HEMK2: variants seen among roughly 807,000 people sequenced by gnomAD.
HEMK2 encodes the protein HemK methyltransferase 2, ETF1 glutamine and histone H4 lysine.
the HEMK2 span, among the ~76,000 whole-genome samples, chr21:28,864,874 ATAGG>A: frequency 1.6e-5 from 1 of 61,320 alleles, no homozygotes; most frequent in African/African-American, 4.4e-5. Flanking sequence ...TAGATGGATG[ATAGG>A]TAGATATAGA....
At chr21:28,871,001 C>T in the HEMK2 span, among the ~76,000 whole-genome samples, 217 of 152,308 alleles carry the variant, frequency 1.4e-3, 1 homozygote, top group African/African-American at 5.0e-3. Context: ...CAAATCTCCT[C>T]TTTGCCTTTT....
the HEMK2 span, among the ~76,000 whole-genome samples, chr21:28,743,904 T>C: frequency 3.9e-5 from 6 of 152,188 alleles, no homozygotes; most frequent in South Asian, 6.2e-4. Context: ...CAGAATACTA[T>C]ACAGCCATGA....
the HEMK2 span, among the ~76,000 whole-genome samples, chr21:28,814,693 A>G: frequency 7.9e-5 from 12 of 152,188 alleles, no homozygotes; most frequent in Non-Finnish European, 1.2e-4. Context: ...ACCATCTCAC[A>G]CCAGTTAGAA....
At chr21:28,725,530 A>G in the HEMK2 span, among the ~76,000 whole-genome samples, 1 of 152,178 alleles carries the variant, frequency 6.6e-6, no homozygotes, top group Non-Finnish European at 1.5e-5. Flanking sequence ...TCTCCCCCTT[A>G]GCCTTCTCCT....
the HEMK2 span, among the ~76,000 whole-genome samples, chr21:28,709,142 C>A: frequency 3.3e-5 from 5 of 152,132 alleles, no homozygotes; most frequent in Non-Finnish European, 5.9e-5. Context: ...ACCCTAGTGA[C>A]CTAATCGCCA....
the HEMK2 span, among the ~76,000 whole-genome samples, chr21:28,796,526 G>A: frequency 6.6e-6 from 1 of 152,082 alleles, no homozygotes; most frequent in African/African-American, 2.4e-5. Flanking sequence ...GAGGCTATTA[G>A]AACTATTCCA....
At chr21:28,730,154 G>T in the HEMK2 span, among the ~76,000 whole-genome samples, 2 of 151,968 alleles carry the variant, frequency 1.3e-5, no homozygotes, top group Admixed American at 6.6e-5. Flanking sequence ...AAGGCGGGAG[G>T]ATCACTTGAG....
chr21:28,863,101 T>C, the HEMK2 span, among the ~76,000 whole-genome samples: 244 of 152,134 alleles, frequency 1.6e-3, 2 homozygotes, highest in African/African-American at 5.7e-3. Context: ...TCTGAGGGTG[T>C]TGCCAAAGGA....
At chr21:28,670,322 T>C in the HEMK2 span, among the ~76,000 whole-genome samples, 1 of 152,230 alleles carries the variant, frequency 6.6e-6, no homozygotes, top group African/African-American at 2.4e-5. Flanking sequence ...AAAATATTCT[T>C]AGTTTTATTT....
the HEMK2 span, among the ~76,000 whole-genome samples, chr21:28,754,347 G>A: frequency 1.3e-5 from 2 of 152,232 alleles, no homozygotes; most frequent in African/African-American, 4.8e-5. Context: ...TTCTGAACTT[G>A]GCGGAGCCTA....
the HEMK2 span, among the ~76,000 whole-genome samples, chr21:28,658,822 T>C: frequency 2.0e-5 from 3 of 152,146 alleles, no homozygotes; most frequent in Non-Finnish European, 4.4e-5. Flanking sequence ...ATCTTTAGAT[T>C]CATTGTAGCA....
the HEMK2 span, among the ~76,000 whole-genome samples, chr21:28,595,974 C>A: frequency 4.0e-5 from 6 of 151,402 alleles, no homozygotes; most frequent in African/African-American, 1.5e-4. Context: ...TTAGTAGAGA[C>A]GGGGTTTCAC....
chr21:28,860,706 T>TAG, the HEMK2 span, among the ~76,000 whole-genome samples: 1 of 152,186 alleles, frequency 6.6e-6, no homozygotes, highest in Middle Eastern at 3.4e-3. Flanking sequence ...TTGCTTGAGT[T>TAG]TTCTAATTTA....
the HEMK2 span, among the ~76,000 whole-genome samples, chr21:28,700,949 C>A: frequency 6.6e-6 from 1 of 152,208 alleles, no homozygotes; most frequent in East Asian, 1.9e-4. Flanking sequence ...GCTAACCTAC[C>A]AGGATCAAGG....
At chr21:28,640,225 C>T in the HEMK2 span, among the ~76,000 whole-genome samples, 3 of 152,164 alleles carry the variant, frequency 2.0e-5, no homozygotes, top group African/African-American at 7.2e-5. Context: ...TGAAGAGTAG[C>T]AGACGCAAGT....
the HEMK2 span, chr21:28,876,358 C>T: frequency 1.4e-6 from 2 of 1,428,520 alleles, no homozygotes; most frequent in African/African-American, 1.5e-5. Context: ...CATTCAGTTT[C>T]CAGTAGTTCT....
At chr21:28,659,949 T>C in the HEMK2 span, among the ~76,000 whole-genome samples, 7 of 152,078 alleles carry the variant, frequency 4.6e-5, no homozygotes, top group African/African-American at 1.7e-4. Context: ...ACTGAAGAGA[T>C]TATAGCTTTC....
chr21:28,798,663 C>A, the HEMK2 span, among the ~76,000 whole-genome samples: 3 of 152,112 alleles, frequency 2.0e-5, no homozygotes, highest in Non-Finnish European at 4.4e-5. Flanking sequence ...GAAATGGTAG[C>A]ACCAGAGCTG....
the HEMK2 span, among the ~76,000 whole-genome samples, chr21:28,658,717 C>A: frequency 6.6e-6 from 1 of 152,080 alleles, no homozygotes; most frequent in African/African-American, 2.4e-5. Flanking sequence ...CGTATTATAT[C>A]GTTGACTTGT....
Sources: gnomAD v4.1 joint callset for allele counts (sites outside exome capture counted in the v4.1 genomes callset) on GRCh38, gnomAD v4.1.1 for gene constraint, MANE v1.5 for transcripts, NCBI Gene and HGNC (gene_info 2026-07-23, HGNC 2026-07-21) for gene names.